The following OR9A4 variants were observed in gnomAD, a reference collection of about 807,000 sequenced individuals.
The protein encoded by OR9A4 is olfactory receptor 9A4.
OR9A4 carries 16 observed loss-of-function variants against 17.1 expected under a neutral mutation model. That is an observed-to-expected ratio of 0.94 (90% confidence interval 0.64 to 1.43). The LOEUF is 1.43. Among genes scored for constraint, OR9A4 ranks in the 40% most tolerant of loss-of-function variants. OR9A4 has a pLI of 0.00. For missense variants in OR9A4, 392 were observed against 382.1 expected, an observed-to-expected ratio of 1.03 and a Z score of -0.22; for synonymous variants, 167 against 143.3, an observed-to-expected ratio of 1.17 and a Z score of -1.18.
At chr7:141,916,780 G>A (rs781982736) in intron 1 of OR9A4, 144 bp downstream of exon 1, 1 of 152,222 alleles carries the variant, frequency 6.6e-6, no homozygotes, top group Non-Finnish European at 1.5e-5. Context: ...TAGAGGATGA[G>A]CTCTACAGCA....
At position 141,919,144 on chromosome 7, in the gene OR9A4, A is replaced by G; in HGVS notation, c.269A>G (p.Gln90Arg). 1 of 1,614,184 alleles carries G rather than the reference A, an allele frequency of 6.2e-7. No homozygotes were observed. The highest frequency in any genetic ancestry group is 1.3e-5 in the African/African-American group (1 of 75,028). Reference sequence around the variant, plus strand: ...TGGGGATTGCTGCTCCCTGGGATGCAGACAATATATTTGTCTGCCTGTGTT... The same window carrying G: ...TGGGGATTGCTGCTCCCTGGGATGCGGACAATATATTTGTCTGCCTGTGTT... The part of the protein sequence containing the change: ...MLWGLLLPGM[Q>R]TIYLSACVVQ... Residue 90 changes from glutamine to arginine, a missense_variant, in exon 2 of 2, where the codon CAG (glutamine) becomes CGG (arginine). Transcript: ENST00000641559.
intron 1 of OR9A4, among the ~76,000 whole-genome samples, 200 bp downstream of exon 1, chr7:141,916,836 T>C (rs1802193062): frequency 2.0e-5 from 3 of 152,168 alleles, no homozygotes; most frequent in Admixed American, 6.5e-5. Flanking sequence ...TTCTCTGCCC[T>C]ATGCTGGCGA....
rs1452945030 is a variant in OR9A4, at chr7:141,919,438, C to G, written c.563C>G (p.Ser188Cys). Residue 188 changes from serine (S) to cysteine (C), a missense_variant, in exon 2 of 2, where the codon TCC (serine) becomes TGC (cysteine). Ser to Cys is a moderately radical substitution (Grantham distance 112). Coordinates refer to ENST00000641559, the MANE Select transcript of OR9A4 (RefSeq NM_001001656.3). ...GACCGAGGGCAATTGCTCAAACTAT[C>G]CTGCAATAATACTCTTTTCACGGAG... is the stretch of plus-strand genomic sequence containing the variant. Reference protein sequence around the residue: ...FCDRGQLLKLSCNNTLFTEFI... With the variant: ...FCDRGQLLKLCCNNTLFTEFI... The G allele has an allele frequency of 1.9e-5, 31 of 1,614,020 alleles. No homozygotes were observed. The highest frequency in any genetic ancestry group is 2.4e-5 in the Non-Finnish European group (28 of 1,180,048).
chr7:141,917,821 G>T (rs534446874), intron 1 of OR9A4, among the ~76,000 whole-genome samples: 3 of 152,158 alleles, frequency 2.0e-5, no homozygotes, highest in Admixed American at 6.5e-5. Context: ...CTGTCTGCGT[G>T]GGGGAGACAC....
At chr7:141,918,145 T>G (rs1197421063) in intron 1 of OR9A4, among the ~76,000 whole-genome samples, 2 of 152,200 alleles carry the variant, frequency 1.3e-5, no homozygotes, top group African/African-American at 4.8e-5. Flanking sequence ...ATTTATTTAT[T>G]TTTTGAGACG....
At chr7:141,918,763 A>C in intron 1 of OR9A4, 83 bp from the exon 2 acceptor site, 2 of 728,582 alleles carry the variant, frequency 2.7e-6, no homozygotes, top group Non-Finnish European at 4.7e-6. Context: ...GGAGTTGAGG[A>C]GCAGGAGAGG....
chr7:141,916,912 T>A lies in OR9A4; in HGVS notation c.-31+276T>A, dbSNP rs1802193879. On this transcript the variant is annotated intron_variant, in intron 1 of 1. Transcript: ENST00000641559. ...CATTTCTCCCCATTCCTTCCATATA[T>A]CTGCCTGCCACATAGTAGGGGAGCT... 2.6e-5 allele frequency among the ~76,000 whole-genome samples: 4 copies of A among 152,178 alleles called. No homozygotes were observed. The South Asian group carries it at 8.3e-4, about 31-fold the overall frequency.
rs782165125 is a variant in OR9A4 at position 141,919,651 on chromosome 7, A to G, written c.776A>G (p.Tyr259Cys). ...VIGYGSCLFL[Y>C]VKPKQTQAAD... ...GGCTACGGCAGCTGCTTGTTTCTCT[A>G]CGTGAAACCCAAGCAAACGCAGGCA... Residue 259 changes from tyrosine to cysteine, a missense_variant, in exon 2 of 2, where the codon TAC becomes TGC. Coordinates refer to ENST00000641559, the MANE Select transcript of OR9A4 (RefSeq NM_001001656.3). 3 of 1,613,892 alleles carry G rather than the reference A, an allele frequency of 1.9e-6. No individual in the cohort carries two copies. Among genetic ancestry groups the G allele is most frequent in the South Asian group, 2.2e-5 (2 of 91,072 alleles).
intron 1 of OR9A4, among the ~76,000 whole-genome samples, chr7:141,917,659 T>C (rs1802206827): frequency 6.6e-6 from 1 of 152,178 alleles, no homozygotes. Flanking sequence ...TTTTCTTGTC[T>C]CCTGGCCCTA....
At position 141,918,962 on chromosome 7, in the gene OR9A4, ATTC is replaced by A; in HGVS notation, c.93_95del (p.Phe33del). The A allele has an allele frequency of 6.2e-7, 1 of 1,613,900 alleles. No homozygotes were observed. Among genetic ancestry groups the A allele is most frequent in the East Asian group, 2.2e-5 (1 of 44,882 alleles). On this transcript the variant is annotated inframe_deletion, in exon 2 of 2. Coordinates refer to ENST00000641559, the MANE Select transcript of OR9A4 (RefSeq NM_001001656.3). ...AACTACATCATATCCTTTTTGCTAT[ATTC>A]TTCTTTTTCTACTTGGTGACATTAA...
rs200165516 is a variant in OR9A4, at chr7:141,919,491, G to C, written c.616G>C (p.Val206Leu). 5 of 1,613,888 alleles carry C rather than the reference G, an allele frequency of 3.1e-6. No homozygotes were observed. The highest frequency in any genetic ancestry group is 8.5e-7 in the Non-Finnish European group (1 of 1,180,006). ...EFILFLMAVFVLFGSLIPTIV... is the reference protein window; with the variant it reads ...EFILFLMAVFLLFGSLIPTIV... ...TATCCTCTTCTTAATGGCTGTTTTT[G>C]TTCTCTTTGGTTCTTTGATCCCTAC... The change falls in exon 2 of 2, where the codon GTT (valine) becomes CTT (leucine). Residue 206 changes from valine to leucine, a missense_variant. Physicochemically the swap from Val to Leu is conservative, Grantham distance 32. Transcript: ENST00000641559.
At chr7:141,917,439 C>G (rs782485869) in intron 1 of OR9A4, among the ~76,000 whole-genome samples, 1 of 152,116 alleles carries the variant, frequency 6.6e-6, no homozygotes, top group Non-Finnish European at 1.5e-5. Context: ...TCTTCTGACA[C>G]TTTTTGTTGC....
At position 141,919,775 on chromosome 7, in the gene OR9A4, C is replaced by T. The variant is rs573034609; in HGVS notation, c.900C>T (p.Ala300=). ...FTLRNDKVIE[A]LRDGVKRCCQ... is the part of the protein sequence containing the mutation. ...TCCGGAATGATAAAGTCATAGAGGC[C>T]CTTCGGGATGGGGTGAAACGCTGCT... The change falls in exon 2 of 2, where the codon GCC becomes GCT. Residue 300 remains alanine (A), a synonymous_variant. Transcript: ENST00000641559. 5.0e-6 allele frequency: 8 copies of T among 1,614,002 alleles called. No homozygotes were observed. The East Asian group carries it at 1.6e-4, about 31-fold the overall frequency.
Position 141,919,805 on chromosome 7 carries a change from A to G in OR9A4, c.930A>G (p.Gln310=). Residue 310 remains glutamine, a synonymous_variant, in exon 2 of 2, where the codon CAA becomes CAG. Coordinates refer to ENST00000641559, the MANE Select transcript of OR9A4 (RefSeq NM_001001656.3). Reference sequence around the variant, plus strand: ...GGGATGGGGTGAAACGCTGCTGTCAACTATTCAGGAATTAGCCTTGCTCTG... The same window carrying G: ...GGGATGGGGTGAAACGCTGCTGTCAGCTATTCAGGAATTAGCCTTGCTCTG... ...ALRDGVKRCC[Q]LFRN The G allele has an allele frequency of 6.2e-7, 1 of 1,611,114 alleles. No homozygotes were observed. Among genetic ancestry groups the G allele is most frequent in the Non-Finnish European group, 8.5e-7 (1 of 1,177,940 alleles).
rs1554439133 is a variant in OR9A4, at chr7:141,919,613, C to T, written c.738C>T (p.Thr246=). The change falls in exon 2 of 2, where the codon ACC becomes ACT. Residue 246 remains threonine, a synonymous_variant. Transcript: ENST00000641559. ...TCTCCACTTGTGCCTCCCACTTCACCTGTGTTGTGATTGGCTACGGCAGCT... is the reference window on the plus strand; with the variant it reads ...TCTCCACTTGTGCCTCCCACTTCACTTGTGTTGTGATTGGCTACGGCAGCT... The part of the protein sequence containing the change: ...KSFSTCASHF[T]CVVIGYGSCL... 6.2e-7 allele frequency: 1 copy of T among 1,614,164 alleles called. No homozygotes were observed. The highest frequency in any genetic ancestry group is 1.7e-5 in the Admixed American group (1 of 60,016).
rs1802263656 is a variant in OR9A4, at chr7:141,920,506, G to C, written c.*686G>C. 6.6e-6 allele frequency: 1 copy of C among 152,146 alleles called. No homozygotes were observed. Among genetic ancestry groups the C allele is most frequent in the South Asian group, 2.1e-4 (1 of 4,808 alleles). The allele number at this position is 152,146 out of a possible 1,614,324, so 9.4% of individuals were successfully genotyped here. ...TCCAGGCATAGTGAGTAATAAGTGA[G>C]AGATCCTAGGGAAGGCATAACAAAG... On this transcript the variant is annotated 3_prime_UTR_variant, in exon 2 of 2. Coordinates refer to ENST00000641559, the MANE Select transcript of OR9A4 (RefSeq NM_001001656.3).
chr7:141,919,324 T>C lies in OR9A4; in HGVS notation c.449T>C (p.Val150Ala), dbSNP rs1802240299. 1 of 1,614,056 alleles carries C rather than the reference T, an allele frequency of 6.2e-7. No individual in the cohort carries two copies. The highest frequency in any genetic ancestry group is 1.3e-5 in the African/African-American group (1 of 74,974). ...TCNFVVLVSW[V>A]FGFLFQIWPV... Reference sequence around the variant, plus strand: ...AACTTTGTGGTTCTTGTGTCATGGGTGTTTGGGTTTCTTTTTCAAATCTGG... The same window carrying C: ...AACTTTGTGGTTCTTGTGTCATGGGCGTTTGGGTTTCTTTTTCAAATCTGG... Residue 150 changes from valine to alanine, a missense_variant, in exon 2 of 2, where the codon GTG (valine) becomes GCG (alanine). Coordinates refer to ENST00000641559, the MANE Select transcript of OR9A4 (RefSeq NM_001001656.3).
Position 141,919,400 on chromosome 7 carries a change from C to G in OR9A4, c.525C>G (p.Asn175Lys). 3.1e-6 allele frequency: 5 copies of G among 1,614,088 alleles called. No individual in the cohort carries two copies. The highest frequency in any genetic ancestry group is 4.2e-6 in the Non-Finnish European group (5 of 1,180,014). Residue 175 changes from asparagine (N) to lysine (K), a missense_variant, in exon 2 of 2, where the codon AAC becomes AAG. Physicochemically the swap from Asn to Lys is moderately conservative, Grantham distance 94. Transcript: ENST00000641559. ...CTTACTGCAAATCAAATGTGGTGAACAATTTTTTTTGTGACCGAGGGCAAT... is the reference window on the plus strand; with the variant it reads ...CTTACTGCAAATCAAATGTGGTGAAGAATTTTTTTTGTGACCGAGGGCAAT... ...QLTYCKSNVV[N>K]NFFCDRGQLL...
At chr7:141,918,788 C>A (rs1802225480) in intron 1 of OR9A4, 58 bp from the exon 2 acceptor site, 2 of 1,002,182 alleles carry the variant, frequency 2.0e-6, no homozygotes, top group Non-Finnish European at 3.0e-6. Flanking sequence ...TTTTTTCAAC[C>A]TGAAATGTCC....
Sources: allele counts gnomAD v4.1 joint callset (sites outside exome capture counted in the v4.1 genomes callset), GRCh38; gene constraint gnomAD v4.1.1; transcripts MANE v1.5; gene names NCBI Gene and HGNC (gene_info 2026-07-23, HGNC 2026-07-21).